The following TIGAR variants were observed in gnomAD, a reference collection of about 807,000 sequenced individuals.
The protein encoded by TIGAR is TP53 induced glycolysis regulatory phosphatase.
In TIGAR, 7 loss-of-function variants were observed where a neutral mutation model predicts 17.9. That is an observed-to-expected ratio of 0.39 (90% CI 0.22 to 0.73). The LOEUF is 0.73. Ranked by LOEUF, TIGAR falls within the 30% of genes least tolerant of loss-of-function variation. The pLI is 0.42. For missense variants in TIGAR, 258 were observed against 327.4 expected (o/e 0.79, Z 1.64); for synonymous variants, 94 against 108.6 (o/e 0.87, Z 0.84).
At chr12:4,324,082 TTGAAA>T (rs1186958237) in intron 1 of TIGAR, among the ~76,000 whole-genome samples, 1 of 152,246 alleles carries the variant, frequency 6.6e-6, no homozygotes, top group Non-Finnish European at 1.5e-5. Context: ...TCTTCATACT[TTGAAA>T]TGAAAGTACC....
Position 4,321,436 on chromosome 12 carries a change from C to A in TIGAR, c.32+133C>A. On this transcript the variant is annotated intron_variant, in intron 1 of 5. Transcript: ENST00000179259. The surrounding 1 kb of genome is among the most constrained non-coding windows in gnomAD (Gnocchi z 5.2). Reference sequence around the variant, plus strand: ...GCCCGGGAGGGCTGGCTTGGAAGCGCTTTTTCCGGGGCGCTTGCCCTGGGG... The same window carrying A: ...GCCCGGGAGGGCTGGCTTGGAAGCGATTTTTCCGGGGCGCTTGCCCTGGGG... The A allele has an allele frequency of 7.4e-7, 1 of 1,357,968 alleles. No individual in the cohort carries two copies. The highest frequency in any genetic ancestry group is 1.0e-6 in the Non-Finnish European group (1 of 993,504). 84.1% of individuals were successfully genotyped at this position (1,357,968 alleles called of 1,614,324 possible).
intron 2 of TIGAR, among the ~76,000 whole-genome samples, chr12:4,334,703 AGT>A (rs1864640072): frequency 6.6e-6 from 1 of 152,152 alleles, no homozygotes; most frequent in African/African-American, 2.4e-5. Context: ...AAAGTCCTCT[AGT>A]GTGTGTAGAG....
chr12:4,341,205 TAATC>T (rs1403309524), intron 3 of TIGAR, among the ~76,000 whole-genome samples: 1 of 151,896 alleles, frequency 6.6e-6, no homozygotes, highest in Admixed American at 6.6e-5. Context: ...AAAAATCTAA[TAATC>T]CAACTAAAAA....
intron 3 of TIGAR, among the ~76,000 whole-genome samples, chr12:4,344,134 G>A (rs927112207): frequency 1.3e-5 from 2 of 152,064 alleles, no homozygotes; most frequent in African/African-American, 4.8e-5. Context: ...TAGAAGAAAT[G>A]GATAAATTCC....
intron 2 of TIGAR, among the ~76,000 whole-genome samples, chr12:4,334,620 A>G (rs186258893): frequency 1.3e-5 from 2 of 152,330 alleles, no homozygotes; most frequent in East Asian, 1.9e-4. Context: ...ATTTAAATTT[A>G]TGAATATATT....
chr12:4,350,805 T>C (rs1591666057), intron 4 of TIGAR, among the ~76,000 whole-genome samples: 1 of 150,714 alleles, frequency 6.6e-6, no homozygotes, highest in South Asian at 2.1e-4. Flanking sequence ...AAAAAAGAAA[T>C]AGATCTCTCA....
In TIGAR at chr12:4,355,755, G is replaced by A. The variant is rs1166092806; in HGVS notation, c.*3064G>A. Among the ~76,000 whole-genome samples the A allele has an allele frequency of 6.6e-6, 1 of 152,214 alleles. No individual in the cohort carries two copies. Among genetic ancestry groups the A allele is most frequent in the African/African-American group, 2.4e-5 (1 of 41,458 alleles). ...GTTGGCTCACATTGTGGTCAGTGCT[G>A]TTGAGCAAAATAGGTCAGAGTAAGG... On this transcript the variant is annotated 3_prime_UTR_variant, in exon 6 of 6. Transcript: ENST00000179259.
chr12:4,342,842 A>G (rs1435229511), intron 3 of TIGAR, among the ~76,000 whole-genome samples: 1 of 152,182 alleles, frequency 6.6e-6, no homozygotes, highest in Non-Finnish European at 1.5e-5. Flanking sequence ...TGAGCAAAAT[A>G]AGCAGCTAAC....
chr12:4,324,660 C>T, intron 1 of TIGAR: 2 of 1,230,068 alleles, frequency 1.6e-6, no homozygotes, highest in Non-Finnish European at 1.2e-6. Context: ...TCTGTTTCCG[C>T]CGCAGGCCCG....
intron 2 of TIGAR, among the ~76,000 whole-genome samples, chr12:4,336,299 C>T (rs962466296): frequency 3.3e-5 from 5 of 152,300 alleles, no homozygotes; most frequent in Non-Finnish European, 7.4e-5. Flanking sequence ...TCCAGCAGGC[C>T]TCCTCTCCCA....
intron 3 of TIGAR, 151 bp from the exon 4 acceptor site, chr12:4,349,668 C>T (rs370224786): frequency 1.2e-5 from 7 of 582,728 alleles, no homozygotes; most frequent in East Asian, 3.7e-5. Flanking sequence ...CCACCCGCCT[C>T]AGCCTCCCAA....
Position 4,337,616 on chromosome 12 carries a change from C to CT in TIGAR, c.192+461dup, listed in dbSNP as rs572523878. On this transcript the variant is annotated intron_variant, in intron 3 of 5. Transcript: ENST00000179259. ...TTATTTATTTTAATTTTATTTTGTA[C>CT]TTTTTAAAAAAAATAATTTTTAAAT... Among the ~76,000 whole-genome samples the CT allele has an allele frequency of 1.5e-4, 23 of 152,098 alleles. No homozygotes were observed. The South Asian group carries it at 3.9e-3, about 26-fold the overall frequency.
intron 1 of TIGAR, chr12:4,324,417 G>A: frequency 3.5e-6 from 5 of 1,436,412 alleles, no homozygotes; most frequent in African/African-American, 1.4e-5. Context: ...CCCCGATGCC[G>A]GGCCGGCAGT....
Position 4,356,907 on chromosome 12 carries a change from A to G in TIGAR, c.*4216A>G, listed in dbSNP as rs1024503767. Among the ~76,000 whole-genome samples, 11 of 152,142 alleles carry G rather than the reference A, an allele frequency of 7.2e-5. No individual in the cohort carries two copies. Among genetic ancestry groups the G allele is most frequent in the Admixed American group, 5.9e-4 (9 of 15,282 alleles). On this transcript the variant is annotated 3_prime_UTR_variant, in exon 6 of 6. Transcript: ENST00000179259. ...GGAGTCGAAACCATGGCTCCCATTCACCTGTCTCTTATTTTCCTGTCCTTC... is the reference window on the plus strand; with the variant it reads ...GGAGTCGAAACCATGGCTCCCATTCGCCTGTCTCTTATTTTCCTGTCCTTC...
intron 4 of TIGAR, among the ~76,000 whole-genome samples, chr12:4,350,776 CA>C (rs745374518): frequency 0.014 from 1,222 of 89,128 alleles, 12 homozygotes; most frequent in African/African-American, 0.033. Flanking sequence ...GATTCCGTCT[CA>C]AAAAAAAAAA....
chr12:4,322,500 A>G (rs916007354), intron 1 of TIGAR, among the ~76,000 whole-genome samples: 1 of 152,240 alleles, frequency 6.6e-6, no homozygotes, highest in African/African-American at 2.4e-5. Flanking sequence ...TCTATAAAGA[A>G]AGCTCCAATA....
Position 4,356,068 on chromosome 12 carries a change from T to G in TIGAR, c.*3377T>G, listed in dbSNP as rs866936472. ...CCATTGGCCAGTTTGGGCAGTGATG[T>G]GATCAGACTTGTTTCAGCAGGACCA... On this transcript the variant is annotated 3_prime_UTR_variant, in exon 6 of 6. Transcript: ENST00000179259. Among the ~76,000 whole-genome samples, 1 of 152,188 alleles carries G rather than the reference T, an allele frequency of 6.6e-6. No individual in the cohort carries two copies. The highest frequency in any genetic ancestry group is 2.4e-5 in the African/African-American group (1 of 41,454).
intron 3 of TIGAR, among the ~76,000 whole-genome samples, chr12:4,344,785 GAAAT>G (rs915974792): frequency 2.0e-5 from 3 of 152,150 alleles, no homozygotes; most frequent in Non-Finnish European, 4.4e-5. Flanking sequence ...GCAGGAGAAA[GAAAT>G]AAAGGGTATT....
intron 1 of TIGAR, among the ~76,000 whole-genome samples, chr12:4,323,665 T>G (rs1240273141): frequency 6.6e-6 from 1 of 152,238 alleles, no homozygotes; most frequent in Admixed American, 6.5e-5. Flanking sequence ...TCCTACTTAA[T>G]TTGTTAAAAC....
Sources: allele counts gnomAD v4.1 joint callset (sites outside exome capture counted in the v4.1 genomes callset), GRCh38; gene constraint gnomAD v4.1.1; non-coding constraint Gnocchi (gnomAD v3.1); transcripts MANE v1.5; gene names NCBI Gene and HGNC (gene_info 2026-07-23, HGNC 2026-07-21).